The following MAPKAPK2 variants were observed in gnomAD, a reference collection of about 807,000 sequenced individuals.
MAPKAPK2 encodes MAPK activated protein kinase 2, also known as MAP kinase-activated protein kinase 2.
In MAPKAPK2, 9 loss-of-function variants were observed where a neutral mutation model predicts 48.8. The ratio of observed to expected loss-of-function variants is 0.18; its 90% CI spans 0.11 to 0.32. The LOEUF (loss-of-function observed/expected upper bound fraction) is 0.32. Among genes scored for constraint, MAPKAPK2 ranks in the 10% least tolerant of loss-of-function variants. The pLI, the probability that MAPKAPK2 is intolerant of heterozygous loss-of-function variation, is 1.00. For missense variants in MAPKAPK2, 331 were observed against 498.3 expected (o/e 0.66, Z 3.20); for synonymous variants, 202 against 190.6 (o/e 1.06, Z -0.49).
rs1185140100 is a variant in MAPKAPK2 at position 206,731,946 on chromosome 1, G to T, written c.1059+27G>T. 6.2e-7 allele frequency: 1 copy of T among 1,614,036 alleles called. No homozygotes were observed. The highest frequency in any genetic ancestry group is 1.3e-5 in the African/African-American group (1 of 74,916). ...TGAGGGGCACCACTGGGTGAGAGGGGCTCCAGGTGGGGTGGGCGGCTTGCG... is the reference window on the plus strand; with the variant it reads ...TGAGGGGCACCACTGGGTGAGAGGGTCTCCAGGTGGGGTGGGCGGCTTGCG... On this transcript the variant is annotated intron_variant, in intron 9 of 9. Coordinates refer to ENST00000367103, the MANE Select transcript of MAPKAPK2 (RefSeq NM_032960.4). This position sits in a 1 kb window ranked among gnomAD's most constrained non-coding sequence, Gnocchi z 5.9.
chr1:206,705,799 T>C (rs1553428486), intron 1 of MAPKAPK2, among the ~76,000 whole-genome samples: 1 of 151,846 alleles, frequency 6.6e-6, no homozygotes, highest in African/African-American at 2.4e-5. Flanking sequence ...AATTCGAGAG[T>C]CCTGGCTGGA....
intron 1 of MAPKAPK2, among the ~76,000 whole-genome samples, chr1:206,720,845 A>C (rs1673493277): frequency 6.6e-6 from 1 of 152,218 alleles, no homozygotes. Flanking sequence ...AGACAATGAC[A>C]GTGATGATAC....
rs554537462 is a variant in MAPKAPK2 at position 206,704,338 on chromosome 1, C to G, written c.279+18830C>G. ...AGGTCGGATGGGGTCTCCCAGGGTC[C>G]CCTTGCTGGGCACGCTTGGCAGGCA... On this transcript the variant is annotated intron_variant, in intron 1 of 9. Transcript: ENST00000367103. The surrounding 1 kb of genome is among the most constrained non-coding windows in gnomAD (Gnocchi z 4.3). 6.6e-6 allele frequency among the ~76,000 whole-genome samples: 1 copy of G among 152,314 alleles called. No individual in the cohort carries two copies. The highest frequency in any genetic ancestry group is 2.4e-5 in the African/African-American group (1 of 41,570).
intron 1 of MAPKAPK2, among the ~76,000 whole-genome samples, chr1:206,685,940 C>T (rs868983588): frequency 1.3e-5 from 2 of 152,156 alleles, no homozygotes; most frequent in Non-Finnish European, 2.9e-5. Context: ...GCCGGTTGGT[C>T]GGTTGGTTTG....
chr1:206,690,301 G>T (rs1672418083), intron 1 of MAPKAPK2, among the ~76,000 whole-genome samples: 1 of 152,150 alleles, frequency 6.6e-6, no homozygotes, highest in South Asian at 2.1e-4. Flanking sequence ...CCTGCAGCAG[G>T]GCCCTTGGCA....
chr1:206,694,161 T>C (rs924697604), intron 1 of MAPKAPK2, among the ~76,000 whole-genome samples: 20 of 152,206 alleles, frequency 1.3e-4, no homozygotes, highest in African/African-American at 4.8e-4. Context: ...TTTTTTCTAA[T>C]CCCTAGACAG....
At chr1:206,701,831 T>TAAAAAA (rs1181483621) in intron 1 of MAPKAPK2, among the ~76,000 whole-genome samples, 1 of 86,980 alleles carries the variant, frequency 1.1e-5, no homozygotes, top group Non-Finnish European at 2.2e-5. Flanking sequence ...ACCCTGTCTC[T>TAAAAAA]AAAAAAAAAA....
intron 1 of MAPKAPK2, among the ~76,000 whole-genome samples, chr1:206,703,346 A>G (rs1315299646): frequency 6.6e-6 from 1 of 152,252 alleles, no homozygotes; most frequent in East Asian, 1.9e-4. Context: ...TGGAATAATG[A>G]GTGGAACCAA....
intron 1 of MAPKAPK2, among the ~76,000 whole-genome samples, chr1:206,703,202 A>G (rs1379403501): frequency 2.0e-5 from 3 of 152,264 alleles, no homozygotes; most frequent in South Asian, 2.1e-4. Flanking sequence ...ATTAACAGAC[A>G]GGACGTGAGG....
At chr1:206,686,760 T>C (rs1672299555) in intron 1 of MAPKAPK2, among the ~76,000 whole-genome samples, 1 of 152,258 alleles carries the variant, frequency 6.6e-6, no homozygotes, top group African/African-American at 2.4e-5. Flanking sequence ...TTCGGGGTTG[T>C]ACGGGGCAAG....
At chr1:206,715,629 CTT>C (rs11349381) in intron 1 of MAPKAPK2, among the ~76,000 whole-genome samples, 42 of 131,492 alleles carry the variant, frequency 3.2e-4, no homozygotes, top group Admixed American at 3.2e-4. Flanking sequence ...TTCTTTCTTT[CTT>C]TTTTTTTTTT....
rs1461803259 is a variant in MAPKAPK2 at position 206,704,506 on chromosome 1, T to C, written c.279+18998T>C. ...GAAAGCAGTCACCCAACTTCCTTTA[T>C]AGCCGGATACAAAACAGTGCCTGAG... On this transcript the variant is annotated intron_variant, in intron 1 of 9. Coordinates refer to ENST00000367103, the MANE Select transcript of MAPKAPK2 (RefSeq NM_032960.4). The surrounding 1 kb of genome is among the most constrained non-coding windows in gnomAD (Gnocchi z 4.3). Among the ~76,000 whole-genome samples, 1 of 152,196 alleles carries C rather than the reference T, an allele frequency of 6.6e-6. No individual in the cohort carries two copies. Among genetic ancestry groups the C allele is most frequent in the African/African-American group, 2.4e-5 (1 of 41,444 alleles).
Position 206,731,884 on chromosome 1 carries a change from C to T in MAPKAPK2, c.1024C>T (p.Leu342=), listed in dbSNP as rs782713283. ...PQTPLHTSRV[L]KEDKERWEDV... ...AACCCCACTGCACACCAGCCGGGTC[C>T]TGAAGGAGGACAAGGAGCGGTGGGA... The change falls in exon 9 of 10, where the codon CTG becomes TTG. Residue 342 remains leucine, a synonymous_variant. Coordinates refer to ENST00000367103, the MANE Select transcript of MAPKAPK2 (RefSeq NM_032960.4). This position sits in a 1 kb window ranked among gnomAD's most constrained non-coding sequence, Gnocchi z 5.9. 1.7e-5 allele frequency: 28 copies of T among 1,614,124 alleles called. No individual in the cohort carries two copies. Among genetic ancestry groups the T allele is most frequent in the Non-Finnish European group, 2.3e-5 (27 of 1,180,016 alleles).
chr1:206,725,765 G>A (rs1397693820), intron 1 of MAPKAPK2, among the ~76,000 whole-genome samples: 3 of 152,130 alleles, frequency 2.0e-5, no homozygotes, highest in African/African-American at 4.8e-5. Context: ...TGTAGGGGGC[G>A]ATCGAGGTTC....
intron 1 of MAPKAPK2, among the ~76,000 whole-genome samples, chr1:206,692,014 A>G (rs546619688): frequency 6.6e-6 from 1 of 152,322 alleles, no homozygotes; most frequent in South Asian, 2.1e-4. Flanking sequence ...CAGAAGAATC[A>G]TAGTGTAGTG....
At chr1:206,705,428 C>T (rs1672924898) in intron 1 of MAPKAPK2, among the ~76,000 whole-genome samples, 1 of 152,212 alleles carries the variant, frequency 6.6e-6, no homozygotes, top group Admixed American at 6.5e-5. Flanking sequence ...GACACTCCTG[C>T]TGGAGGGCCA....
rs1021998713 is a variant in MAPKAPK2 at position 206,730,243 on chromosome 1, G to A, written c.691+145G>A. 1.8e-5 allele frequency: 18 copies of A among 977,428 alleles called. No homozygotes were observed. In the Middle Eastern group the frequency reaches 9.9e-4, roughly 54 times the overall value. 60.5% of individuals were successfully genotyped at this position (977,428 alleles called of 1,614,324 possible). On this transcript the variant is annotated intron_variant, in intron 5 of 9. Transcript: ENST00000367103. ...TGCTGGTTCTGCTGGGACCTGCTGAGAAGTAGGGCTTGTCAGAGCGAAGCT... is the reference window on the plus strand; with the variant it reads ...TGCTGGTTCTGCTGGGACCTGCTGAAAAGTAGGGCTTGTCAGAGCGAAGCT...
chr1:206,705,001 G>T (rs1672908551), intron 1 of MAPKAPK2, among the ~76,000 whole-genome samples: 1 of 152,190 alleles, frequency 6.6e-6, no homozygotes, highest in Non-Finnish European at 1.5e-5. Context: ...GTTCTACAGT[G>T]AAAGAATCTG....
At chr1:206,721,449 A>G (rs782621863) in intron 1 of MAPKAPK2, among the ~76,000 whole-genome samples, 4 of 152,256 alleles carry the variant, frequency 2.6e-5, no homozygotes, top group Non-Finnish European at 4.4e-5. Context: ...TCTTAAAGAT[A>G]CGTCTATGAT....
Sources: allele counts gnomAD v4.1 joint callset (sites outside exome capture counted in the v4.1 genomes callset), GRCh38; gene constraint gnomAD v4.1.1; non-coding constraint Gnocchi (gnomAD v3.1); transcripts MANE v1.5; gene names NCBI Gene and HGNC (gene_info 2026-07-23, HGNC 2026-07-21).